Variants in PRDM16 observed in about 807,000 individuals in gnomAD.
PRDM16 encodes PR/SET domain 16, also known as histone-lysine N-methyltransferase PRDM16.
In PRDM16, 23 loss-of-function variants were observed where a neutral mutation model predicts 110.6. The observed-to-expected ratio is 0.21, with a 90% confidence interval of 0.15 to 0.29. The LOEUF (loss-of-function observed/expected upper bound fraction) is 0.29. PRDM16 is among the 10% of genes least tolerant of loss of function. The probability of loss-of-function intolerance (pLI) is 1.00; values close to 1 mark genes in which losing one functional copy is unlikely to be tolerated. For synonymous variants in PRDM16, 799 were observed against 781.8 expected, an observed-to-expected ratio of 1.02 and a Z score of -0.37; for missense variants, 1,615 against 1,794.3, an observed-to-expected ratio of 0.90 and a Z score of 1.81.
intron 1 of PRDM16, among the ~76,000 whole-genome samples, chr1:3,142,003 CTG>C (rs1557479059): frequency 1.3e-5 from 2 of 152,278 alleles, no homozygotes; most frequent in African/African-American, 4.8e-5. Context: ...TGGGGCCGCA[CTG>C]TGCATTCGTC....
chr1:3,426,224 C>G lies in PRDM16; in HGVS notation c.3283C>G (p.Arg1095Gly). 1 of 1,612,162 alleles carries G rather than the reference C, an allele frequency of 6.2e-7. No homozygotes were observed. The highest frequency in any genetic ancestry group is 8.5e-7 in the Non-Finnish European group (1 of 1,178,666). Residue 1095 changes from arginine (R) to glycine (G), a missense_variant and splice_region_variant, in exon 14 of 17, where the codon CGG becomes GGG. Physicochemically the swap from Arg to Gly is moderately radical, Grantham distance 125. This residue lies in a region of PRDM16 where 327 missense variants were observed against 359.3 expected (regional missense o/e 0.91). Transcript: ENST00000270722. ...CCAAGCATCAACGCGAACAGAGAAACGGTAAGAAAACTATCGCGGGCTGGG... is the reference window on the plus strand; with the variant it reads ...CCAAGCATCAACGCGAACAGAGAAAGGGTAAGAAAACTATCGCGGGCTGGG... ...MNQASTRTEKRADMQIVDGSA... is the reference protein window; with the variant it reads ...MNQASTRTEKGADMQIVDGSA...
intron 1 of PRDM16, among the ~76,000 whole-genome samples, chr1:3,141,426 C>T (rs754618137): frequency 4.6e-5 from 7 of 152,188 alleles, no homozygotes; most frequent in Non-Finnish European, 8.8e-5. Context: ...TCGGTCTCCC[C>T]GCATTAGCAG....
intron 1 of PRDM16, among the ~76,000 whole-genome samples, chr1:3,086,284 C>T (rs541453251): frequency 3.9e-5 from 6 of 152,110 alleles, no homozygotes; most frequent in African/African-American, 7.2e-5. Context: ...CTGCCCTGGG[C>T]GCACCTGCTG....
intron 1 of PRDM16, 135 bp from the exon 2 acceptor site, chr1:3,185,990 G>C: frequency 1.4e-6 from 1 of 700,726 alleles, no homozygotes; most frequent in Non-Finnish European, 2.5e-6. Context: ...CTCCCGGGCA[G>C]GGGTGGCAGC....
intron 13 of PRDM16, 44 bp from the exon 14 acceptor site, chr1:3,426,007 G>T (rs763083527): frequency 3.2e-6 from 5 of 1,582,406 alleles, no homozygotes; most frequent in Non-Finnish European, 4.3e-6. Flanking sequence ...CGGAGGGAGG[G>T]GTCCAGCGAG....
At chr1:3,123,786 T>A (rs1410690831) in intron 1 of PRDM16, among the ~76,000 whole-genome samples, 1 of 152,234 alleles carries the variant, frequency 6.6e-6, no homozygotes, top group African/African-American at 2.4e-5. Context: ...ATTGCCCCAG[T>A]GGCGAGACAT....
At chr1:3,090,776 T>C (rs1471995874) in intron 1 of PRDM16, among the ~76,000 whole-genome samples, 1 of 152,232 alleles carries the variant, frequency 6.6e-6, no homozygotes, top group Non-Finnish European at 1.5e-5. Flanking sequence ...GCCTGGGCAT[T>C]GGCCCCTGAA....
intron 2 of PRDM16, among the ~76,000 whole-genome samples, chr1:3,198,597 G>A (rs537193156): frequency 6.6e-6 from 1 of 152,270 alleles, no homozygotes; most frequent in African/African-American, 2.4e-5. Flanking sequence ...TTGGTGAGTG[G>A]GCCCCACTCT....
chr1:3,334,602 C>T (rs1158995468), intron 3 of PRDM16, among the ~76,000 whole-genome samples: 3 of 152,026 alleles, frequency 2.0e-5, no homozygotes, highest in African/African-American at 7.2e-5. Context: ...CAATGCCTGC[C>T]TTGCAGAGGC....
intron 1 of PRDM16, among the ~76,000 whole-genome samples, chr1:3,072,932 CAGG>C (rs1444491870): frequency 1.3e-5 from 2 of 152,242 alleles, no homozygotes; most frequent in African/African-American, 2.4e-5. Flanking sequence ...CGGAAGCTGG[CAGG>C]AGGGGCTTGC....
chr1:3,349,369 G>A (rs898513698), intron 3 of PRDM16, among the ~76,000 whole-genome samples: 4 of 152,308 alleles, frequency 2.6e-5, no homozygotes, highest in African/African-American at 9.6e-5. Context: ...CGTGCTTAAT[G>A]AGGTCATCGC....
At chr1:3,092,250 G>A (rs950169409) in intron 1 of PRDM16, among the ~76,000 whole-genome samples, 16 of 152,186 alleles carry the variant, frequency 1.1e-4, no homozygotes, top group Non-Finnish European at 2.2e-4. Flanking sequence ...GCTCAGAGAG[G>A]CAGTCCTGCA....
At position 3,437,059 on chromosome 1, in the gene PRDM16, C is replaced by A; in HGVS notation, c.*3248C>A. On this transcript the variant is annotated 3_prime_UTR_variant, in exon 17 of 17. Transcript: ENST00000270722. ...GTTCCTCCTCTGTGGGCCTGGCAGACCCTTCATGAGTGGGACCCAAGATAT... is the reference window on the plus strand; with the variant it reads ...GTTCCTCCTCTGTGGGCCTGGCAGAACCTTCATGAGTGGGACCCAAGATAT... The A allele has an allele frequency of 4.3e-6, 1 of 232,926 alleles. No individual in the cohort carries two copies. Among genetic ancestry groups the A allele is most frequent in the Non-Finnish European group, 8.5e-6 (1 of 117,878 alleles). The allele number at this position is 232,926 out of a possible 1,614,324, so 14.4% of individuals were successfully genotyped here. A position where few individuals can be genotyped will look rare whatever the true frequency, so the allele number is the denominator to read the frequency against.
At chr1:3,326,391 C>A (rs1378834142) in intron 3 of PRDM16, among the ~76,000 whole-genome samples, 1 of 152,242 alleles carries the variant, frequency 6.6e-6, no homozygotes, top group African/African-American at 2.4e-5. Flanking sequence ...CAGAAAAGAT[C>A]ACCTTTTAGG....
At position 3,383,522 on chromosome 1, in the gene PRDM16, A is replaced by T. The variant is rs2493307; in HGVS notation, c.439-1630A>T. ...CAGGGGAAGAGGGAACACCATGCAC[A>T]GAGACCGGGGCACGTGGACCACATG... is the stretch of plus-strand genomic sequence containing the variant. On this transcript the variant is annotated intron_variant, in intron 3 of 16. Transcript: ENST00000270722. Among the ~76,000 whole-genome samples, 481 of 152,328 alleles carry T rather than the reference A, an allele frequency of 3.2e-3. 2 individuals are homozygous for T. Among genetic ancestry groups the T allele is most frequent in the African/African-American group, 0.011 (455 of 41,570 alleles).
intron 1 of PRDM16, among the ~76,000 whole-genome samples, chr1:3,114,120 ACAG>A (rs1295062042): frequency 6.6e-6 from 1 of 152,192 alleles, no homozygotes; most frequent in African/African-American, 2.4e-5. Flanking sequence ...CTGCAGTAAG[ACAG>A]CGGCGTGTAT....
intron 1 of PRDM16, among the ~76,000 whole-genome samples, chr1:3,179,675 G>A (rs151146968): frequency 6.6e-6 from 1 of 151,960 alleles, no homozygotes; most frequent in Non-Finnish European, 1.5e-5. Context: ...CAGATTGAAG[G>A]GGCCGCCCGC....
At chr1:3,250,234 G>T (rs1051796299) in intron 3 of PRDM16, among the ~76,000 whole-genome samples, 16 of 151,998 alleles carry the variant, frequency 1.1e-4, no homozygotes, top group African/African-American at 3.9e-4. Flanking sequence ...GCCTGAGGGA[G>T]GGGCCGCAGC....
At position 3,148,224 on chromosome 1, in the gene PRDM16, C is replaced by T. The variant is rs573747571; in HGVS notation, c.38-37901C>T. 3.5e-4 allele frequency among the ~76,000 whole-genome samples: 53 copies of T among 152,110 alleles called. 2 individuals carry two copies. The South Asian group carries it at 1.0e-2, about 29-fold the overall frequency. On this transcript the variant is annotated intron_variant, in intron 1 of 16. Coordinates refer to ENST00000270722, the MANE Select transcript of PRDM16 (RefSeq NM_022114.4). This position sits in a 1 kb window ranked among gnomAD's most constrained non-coding sequence, Gnocchi z 5.0. ...TGGGTGCAATCTCATGCCCTGGGTG[C>T]AATCTCATGTCCTGGGTGCAATCTC...
Sources: allele counts gnomAD v4.1 joint callset (sites outside exome capture counted in the v4.1 genomes callset), GRCh38; gene constraint gnomAD v4.1.1; regional missense constraint gnomAD v4.1.1; non-coding constraint Gnocchi (gnomAD v3.1); transcripts MANE v1.5; gene names NCBI Gene and HGNC (gene_info 2026-07-23, HGNC 2026-07-21).